Variants in XKR9 observed in about 807,000 individuals in gnomAD.
XKR9 encodes XK related 9, also known as XK-related protein 9.
In XKR9, 32 loss-of-function variants were observed where a neutral mutation model predicts 32.0. That is an observed-to-expected ratio of 1.00 (90% CI 0.76 to 1.34). XKR9 has a LOEUF of 1.34. Ranked by LOEUF, XKR9 falls within the 40% of genes most tolerant of loss-of-function variation. The probability of loss-of-function intolerance (pLI) is 0.00; values close to 1 mark genes in which losing one functional copy is unlikely to be tolerated. For synonymous variants in XKR9, 168 were observed against 143.4 expected, an observed-to-expected ratio of 1.17 and a Z score of -1.22; for missense variants, 546 against 429.7, an observed-to-expected ratio of 1.27 and a Z score of -2.39.
chr8:70,995,940 C>A, the XKR9 span, among the ~76,000 whole-genome samples: 1 of 152,170 alleles, frequency 6.6e-6, no homozygotes, highest in Non-Finnish European at 1.5e-5. Flanking sequence ...GATCATTCCA[C>A]CTTTGGAAGT....
At chr8:71,049,259 C>A in the XKR9 span, among the ~76,000 whole-genome samples, 2 of 151,884 alleles carry the variant, frequency 1.3e-5, no homozygotes, top group Admixed American at 6.6e-5. Flanking sequence ...ATGAGAAATG[C>A]GAGGAAAATA....
At chr8:70,740,569 C>T (rs1806953774), downstream of XKR9, among the ~76,000 whole-genome samples, 1 of 123,440 alleles carries the variant, frequency 8.1e-6, no homozygotes. Flanking sequence ...AGTTTTTCTG[C>T]TCTGTTTTTT....
At chr8:70,952,958 C>T in the XKR9 span, among the ~76,000 whole-genome samples, 2 of 152,208 alleles carry the variant, frequency 1.3e-5, no homozygotes, top group Admixed American at 1.3e-4. Flanking sequence ...TCAGTGAACT[C>T]ACCTCATTAA....
In XKR9 at chr8:70,735,903, G is replaced by A. The variant is rs1425345733; in HGVS notation, c.*1479G>A. Reference sequence around the variant, plus strand: ...GTTGGTTCCAAGTCTTTGCTATTGTGAATAGTGCTGCAATAAACATACGTG... The same window carrying A: ...GTTGGTTCCAAGTCTTTGCTATTGTAAATAGTGCTGCAATAAACATACGTG... On this transcript the variant is annotated 3_prime_UTR_variant, in exon 5 of 5. Coordinates refer to ENST00000408926, the MANE Select transcript of XKR9 (RefSeq NM_001011720.2). 6.6e-6 allele frequency: 1 copy of A among 151,826 alleles called. No individual in the cohort carries two copies. The highest frequency in any genetic ancestry group is 1.5e-5 in the Non-Finnish European group (1 of 67,964). The allele number at this position is 151,826 out of a possible 1,614,324, so 9.4% of individuals were successfully genotyped here. A position where few individuals can be genotyped will look rare whatever the true frequency, so the allele number is the denominator to read the frequency against.
the XKR9 span, among the ~76,000 whole-genome samples, chr8:70,963,507 GGTATTTCT>G: frequency 6.6e-6 from 1 of 152,144 alleles, no homozygotes; most frequent in African/African-American, 2.4e-5. Flanking sequence ...TGGGTCAAAT[GGTATTTCT>G]GCTTCTAGAT....
At chr8:70,882,826 G>C in the XKR9 span, among the ~76,000 whole-genome samples, 2 of 151,654 alleles carry the variant, frequency 1.3e-5, no homozygotes, top group East Asian at 1.9e-4. Flanking sequence ...TACATTTTAT[G>C]AGTTTTGCCA....
the XKR9 span, among the ~76,000 whole-genome samples, chr8:70,882,574 A>G: frequency 6.6e-6 from 1 of 152,026 alleles, no homozygotes. Flanking sequence ...TTTTACTATA[A>G]GAATATACTT....
intron 4 of XKR9, among the ~76,000 whole-genome samples, chr8:70,733,273 TA>T (rs1806732900): frequency 6.6e-6 from 1 of 152,132 alleles, no homozygotes; most frequent in Non-Finnish European, 1.5e-5. Flanking sequence ...GCTTGTTTAA[TA>T]TCTCATATTA....
chr8:70,687,869 A>G (rs563004163), intron 3 of XKR9, among the ~76,000 whole-genome samples: 3 of 152,274 alleles, frequency 2.0e-5, no homozygotes, highest in African/African-American at 4.8e-5. Flanking sequence ...TGTCTAACAT[A>G]TGGTCCATCT....
chr8:70,716,372 C>T (rs1465060761), intron 4 of XKR9, among the ~76,000 whole-genome samples: 11 of 151,932 alleles, frequency 7.2e-5, no homozygotes, highest in African/African-American at 9.7e-5. Context: ...AAGAACTGCC[C>T]GAGACTGGGT....
chr8:70,756,981 T>A (rs1369948045), intron 2 of XKR9, among the ~76,000 whole-genome samples: 1 of 152,240 alleles, frequency 6.6e-6, no homozygotes, highest in East Asian at 1.9e-4. Flanking sequence ...CTGTGGATAT[T>A]TATAGATGCT....
chr8:70,984,735 T>C, the XKR9 span, among the ~76,000 whole-genome samples: 1 of 152,224 alleles, frequency 6.6e-6, no homozygotes, highest in Non-Finnish European at 1.5e-5. Flanking sequence ...ATTCATTAAG[T>C]ACCTGAGGTA....
exon 4 of XKR9, chr8:70,790,248 A>G (rs1807747882): frequency 1.3e-5 from 2 of 152,194 alleles, no homozygotes; most frequent in African/African-American, 4.8e-5. Context: ...ATTTGATGTG[A>G]TAGAATGCCA....
the XKR9 span, among the ~76,000 whole-genome samples, chr8:70,983,148 A>G: frequency 3.1e-4 from 47 of 152,294 alleles, no homozygotes; most frequent in Admixed American, 3.0e-3. Flanking sequence ...TGCACAATTG[A>G]GTTAAATGAC....
At chr8:70,771,630 T>C (rs982394691) in intron 2 of XKR9, among the ~76,000 whole-genome samples, 4 of 152,226 alleles carry the variant, frequency 2.6e-5, no homozygotes, top group African/African-American at 9.6e-5. Context: ...TTAGTCATTC[T>C]AGCTTGCATA....
chr8:70,871,505 G>C, the XKR9 span, among the ~76,000 whole-genome samples: 3 of 152,072 alleles, frequency 2.0e-5, no homozygotes, highest in Non-Finnish European at 4.4e-5. Context: ...TAGCTTCTAT[G>C]GTGATCAGCA....
the XKR9 span, among the ~76,000 whole-genome samples, chr8:70,869,420 A>G: frequency 6.6e-6 from 1 of 152,212 alleles, no homozygotes; most frequent in Non-Finnish European, 1.5e-5. Flanking sequence ...TAGAGAGAAG[A>G]GAGGACTTGT....
intron 3 of XKR9, among the ~76,000 whole-genome samples, chr8:70,706,239 C>T (rs116526519): frequency 0.01 from 1,525 of 151,982 alleles, 23 homozygotes; most frequent in African/African-American, 0.035. Flanking sequence ...TTTTTGTTAT[C>T]GATTTTATCT....
chr8:70,856,209 CA>C, the XKR9 span, among the ~76,000 whole-genome samples: 1 of 152,184 alleles, frequency 6.6e-6, no homozygotes, highest in Non-Finnish European at 1.5e-5. Flanking sequence ...GAAGACCCAT[CA>C]GTGTGCTGTA....
Sources: allele counts gnomAD v4.1 joint callset (sites outside exome capture counted in the v4.1 genomes callset), GRCh38; gene constraint gnomAD v4.1.1; transcripts MANE v1.5; gene names NCBI Gene and HGNC (gene_info 2026-07-23, HGNC 2026-07-21).